The following POU6F2 variants were observed in gnomAD, a reference collection of about 807,000 sequenced individuals.
POU6F2 encodes the protein POU class 6 homeobox 2.
In POU6F2, 31 loss-of-function variants were observed where a neutral mutation model predicts 71.3. The observed-to-expected ratio is 0.43, with a 90% CI of 0.33 to 0.59. The LOEUF is 0.59. Ranked by LOEUF, POU6F2 falls within the 20% of genes least tolerant of loss-of-function variation. The probability of loss-of-function intolerance (pLI) is 0.04; values close to 1 mark genes in which losing one functional copy is unlikely to be tolerated. For missense variants in POU6F2, 783 were observed against 856.8 expected (o/e 0.91, Z 1.07); for synonymous variants, 347 against 355.7 (o/e 0.98, Z 0.27).
chr7:39,397,834 A>ATATATATATATATATATATATATATATAT (rs1395034721), intron 5 of POU6F2, among the ~76,000 whole-genome samples: 20 of 143,664 alleles, frequency 1.4e-4, no homozygotes, highest in African/African-American at 4.7e-4. Flanking sequence ...ATATATATAT[A>ATATATATATATATATATATATATATATAT]GTAGAGACGG....
At chr7:39,059,537 G>A (rs1790608405) in intron 1 of POU6F2, among the ~76,000 whole-genome samples, 1 of 149,982 alleles carries the variant, frequency 6.7e-6, no homozygotes, top group South Asian at 2.1e-4. Context: ...ACAAGTGCTA[G>A]CAAGGATGTG....
chr7:39,235,067 T>A (rs528547558), intron 4 of POU6F2, among the ~76,000 whole-genome samples: 2 of 152,254 alleles, frequency 1.3e-5, no homozygotes, highest in Non-Finnish European at 2.9e-5. Context: ...TGCTAAACTC[T>A]ACACCACCAA....
chr7:39,250,928 G>A (rs1236915891), intron 4 of POU6F2, among the ~76,000 whole-genome samples: 1 of 152,194 alleles, frequency 6.6e-6, no homozygotes, highest in Non-Finnish European at 1.5e-5. Context: ...ATGCGTTCAT[G>A]TTTTTGCTTT....
At chr7:39,462,639 G>C (rs895758232) in intron 9 of POU6F2, among the ~76,000 whole-genome samples, 1 of 152,222 alleles carries the variant, frequency 6.6e-6, no homozygotes, top group African/African-American at 2.4e-5. Context: ...AATGTGGTAT[G>C]TGGCAAATTA....
chr7:39,333,093 C>G lies in POU6F2; in HGVS notation c.599-6549C>G, dbSNP rs147833123. 5.6e-3 allele frequency among the ~76,000 whole-genome samples: 853 copies of G among 152,302 alleles called. 5 individuals are homozygous for G. The highest frequency in any genetic ancestry group is 9.3e-3 in the Non-Finnish European group (632 of 68,016). ...TGGGAACTCATGGGGGACTTGCCACCTCTGAGTGCTTAGCCCCCGCCCCCA... is the reference window on the plus strand; with the variant it reads ...TGGGAACTCATGGGGGACTTGCCACGTCTGAGTGCTTAGCCCCCGCCCCCA... On this transcript the variant is annotated intron_variant, in intron 4 of 9. Coordinates refer to ENST00000518318, the MANE Select transcript of POU6F2 (RefSeq NM_001370959.1).
intron 1 of POU6F2, among the ~76,000 whole-genome samples, chr7:39,047,649 A>G (rs1008866912): frequency 1.2e-4 from 19 of 152,088 alleles, no homozygotes; most frequent in African/African-American, 4.1e-4. Context: ...GCAAACAAAA[A>G]AAATTGTTTT....
chr7:39,392,343 C>G (rs1425285055), intron 5 of POU6F2, among the ~76,000 whole-genome samples: 1 of 152,202 alleles, frequency 6.6e-6, no homozygotes, highest in Non-Finnish European at 1.5e-5. Context: ...AGGGTAGATG[C>G]TGAGAATTTG....
chr7:39,226,041 T>C (rs1272353034), intron 4 of POU6F2, among the ~76,000 whole-genome samples: 1 of 152,112 alleles, frequency 6.6e-6, no homozygotes, highest in Non-Finnish European at 1.5e-5. Context: ...CTGAAGCATA[T>C]GTTCTGAGCT....
intron 1 of POU6F2, among the ~76,000 whole-genome samples, chr7:39,059,826 C>CA (rs1790616968): frequency 6.6e-6 from 1 of 152,150 alleles, no homozygotes; most frequent in African/African-American, 2.4e-5. Context: ...TATAGTCATA[C>CA]AATGAAATAT....
chr7:39,073,459 T>G (rs891323594), intron 1 of POU6F2, among the ~76,000 whole-genome samples: 1 of 151,850 alleles, frequency 6.6e-6, no homozygotes, highest in African/African-American at 2.4e-5. Flanking sequence ...AGCTAATCTT[T>G]CCAATCACAT....
chr7:39,303,606 G>A (rs891374107), intron 4 of POU6F2, among the ~76,000 whole-genome samples: 12 of 152,170 alleles, frequency 7.9e-5, no homozygotes, highest in African/African-American at 2.9e-4. Flanking sequence ...TGGTTGGATG[G>A]GATGGAATGA....
intron 2 of POU6F2, among the ~76,000 whole-genome samples, chr7:39,156,549 C>A (rs888423390): frequency 6.6e-6 from 1 of 152,066 alleles, no homozygotes; most frequent in Non-Finnish European, 1.5e-5. Context: ...TTGAGAGATA[C>A]TGCTTAAAGG....
Position 39,238,184 on chromosome 7 carries a change from G to A in POU6F2, c.598+30564G>A, listed in dbSNP as rs1262005066. Among the ~76,000 whole-genome samples the A allele has an allele frequency of 2.6e-5, 4 of 152,248 alleles. No homozygotes were observed. In the East Asian group the frequency reaches 7.7e-4, roughly 29 times the overall value. Reference sequence around the variant, plus strand: ...GTTACAAACTGAGGCAGTTTATTAAGCCTCTCTAAACTCAGTTTGAGCATC... The same window carrying A: ...GTTACAAACTGAGGCAGTTTATTAAACCTCTCTAAACTCAGTTTGAGCATC... On this transcript the variant is annotated intron_variant, in intron 4 of 9. Transcript: ENST00000518318.
At chr7:39,337,162 T>G (rs537344973) in intron 4 of POU6F2, among the ~76,000 whole-genome samples, 1 of 152,328 alleles carries the variant, frequency 6.6e-6, no homozygotes, top group African/African-American at 2.4e-5. Context: ...ATTCTTGGCT[T>G]CTTTGTCATG....
chr7:39,186,957 G>A (rs1793553440), intron 2 of POU6F2, among the ~76,000 whole-genome samples: 1 of 152,210 alleles, frequency 6.6e-6, no homozygotes, highest in Admixed American at 6.5e-5. Context: ...TCTGTGTTCT[G>A]GAGCCCTGCT....
At position 39,022,076 on chromosome 7, in the gene POU6F2, G is replaced by A. The variant is rs560554180; in HGVS notation, c.105+44018G>A. On this transcript the variant is annotated intron_variant, in intron 1 of 9. Transcript: ENST00000518318. ...GGAAGACTTTAGGATACAGAGACTT[G>A]TGACTTTCTTTGGCTCAGGGAAAAT... Among the ~76,000 whole-genome samples, 4 of 152,158 alleles carry A rather than the reference G, an allele frequency of 2.6e-5. No homozygotes were observed. The South Asian group carries it at 8.3e-4, about 32-fold the overall frequency.
intron 2 of POU6F2, among the ~76,000 whole-genome samples, chr7:39,108,475 T>C (rs1436493789): frequency 6.6e-6 from 1 of 152,080 alleles, no homozygotes. Context: ...CCTGTGTCTC[T>C]CCCTAGGGGT....
intron 1 of POU6F2, among the ~76,000 whole-genome samples, chr7:39,032,792 A>T (rs923767886): frequency 6.6e-6 from 1 of 152,216 alleles, no homozygotes; most frequent in Non-Finnish European, 1.5e-5. Context: ...GAGCAGGGGA[A>T]ATCTCAGCCA....
intron 2 of POU6F2, among the ~76,000 whole-genome samples, chr7:39,092,345 G>C (rs1000646018): frequency 2.2e-4 from 33 of 151,730 alleles, no homozygotes; most frequent in Non-Finnish European, 7.4e-5. Context: ...TGTCTTCCTG[G>C]GTTCTGTACT....
Sources: gnomAD v4.1 joint callset for allele counts (sites outside exome capture counted in the v4.1 genomes callset) on GRCh38, gnomAD v4.1.1 for gene constraint, MANE v1.5 for transcripts, NCBI Gene and HGNC (gene_info 2026-07-23, HGNC 2026-07-21) for gene names.